Variants in GRM7 observed in about 807,000 individuals in gnomAD.
GRM7 encodes metabotropic glutamate receptor 7.
Under a neutral mutation model 84.5 loss-of-function variants are expected in GRM7, and 35 were observed. The ratio of observed to expected loss-of-function variants is 0.41; its 90% CI spans 0.32 to 0.55. The LOEUF (loss-of-function observed/expected upper bound fraction) is 0.55. GRM7 is among the 20% of genes least tolerant of loss of function. GRM7 has a pLI of 0.19. For synonymous variants in GRM7, 487 were observed against 455.1 expected (o/e 1.07, Z -0.89); for missense variants, 1,003 against 1,194.6 (o/e 0.84, Z 2.36).
intron 7 of GRM7, among the ~76,000 whole-genome samples, chr3:7,481,844 C>T (rs1699142279): frequency 6.6e-6 from 1 of 152,198 alleles, no homozygotes. Context: ...CTGCAGAAAG[C>T]ATAGAAGGTG....
At chr3:7,723,197 A>G (rs913485506) in intron 9 of GRM7, among the ~76,000 whole-genome samples, 15 of 152,156 alleles carry the variant, frequency 9.9e-5, no homozygotes, top group Non-Finnish European at 2.1e-4. Context: ...TAATCATAAT[A>G]CCATTATCAT....
At chr3:7,626,629 T>G (rs1697626661) in intron 8 of GRM7, among the ~76,000 whole-genome samples, 1 of 152,176 alleles carries the variant, frequency 6.6e-6, no homozygotes, top group Non-Finnish European at 1.5e-5. Flanking sequence ...CTCTAACATC[T>G]GCCATCGCAT....
chr3:7,223,563 CT>C (rs1696880889), intron 2 of GRM7, among the ~76,000 whole-genome samples: 1 of 151,708 alleles, frequency 6.6e-6, no homozygotes, highest in Non-Finnish European at 1.5e-5. Context: ...ATTATATGTT[CT>C]CATCTTTCCT....
chr3:7,066,763 T>C (rs1214639525), intron 1 of GRM7, among the ~76,000 whole-genome samples: 2 of 151,800 alleles, frequency 1.3e-5, no homozygotes, highest in Non-Finnish European at 2.9e-5. Context: ...GCACAGATGC[T>C]AAAATCCTTA....
intron 1 of GRM7, among the ~76,000 whole-genome samples, chr3:6,990,843 A>G (rs1694608057): frequency 6.6e-6 from 1 of 152,010 alleles, no homozygotes; most frequent in Non-Finnish European, 1.5e-5. Flanking sequence ...TCTTCATTAA[A>G]TCTCTTTGAG....
At chr3:6,994,178 G>GGT (rs1288839108) in intron 1 of GRM7, among the ~76,000 whole-genome samples, 1 of 152,100 alleles carries the variant, frequency 6.6e-6, no homozygotes, top group Admixed American at 6.5e-5. Context: ...GCATTTTCAA[G>GGT]GTAAAATATT....
chr3:6,964,668 G>T (rs565501136), intron 1 of GRM7, among the ~76,000 whole-genome samples: 1 of 152,238 alleles, frequency 6.6e-6, no homozygotes, highest in African/African-American at 2.4e-5. Flanking sequence ...AATCCTAAAA[G>T]GTTAATTTCT....
intron 2 of GRM7, among the ~76,000 whole-genome samples, chr3:7,176,750 A>G (rs1252551498): frequency 6.6e-6 from 1 of 152,138 alleles, no homozygotes; most frequent in Non-Finnish European, 1.5e-5. Context: ...CACCTTGGTT[A>G]CATTCCATTC....
chr3:7,304,755 T>C (rs1251062189), intron 3 of GRM7, among the ~76,000 whole-genome samples: 1 of 152,192 alleles, frequency 6.6e-6, no homozygotes, highest in Non-Finnish European at 1.5e-5. Context: ...TATTTTTTCG[T>C]ATCATGTTCT....
intron 4 of GRM7, among the ~76,000 whole-genome samples, chr3:7,366,949 A>G (rs1360604983): frequency 7.3e-6 from 1 of 136,450 alleles, no homozygotes; most frequent in Non-Finnish European, 1.6e-5. Context: ...TATTTAATGA[A>G]TCTTAAAATT....
At chr3:7,467,291 G>A (rs1030564873) in intron 7 of GRM7, among the ~76,000 whole-genome samples, 1 of 152,152 alleles carries the variant, frequency 6.6e-6, no homozygotes, top group Non-Finnish European at 1.5e-5. Flanking sequence ...GTTTCACTGT[G>A]TTAGCCAGGA....
At chr3:7,382,990 A>G (rs1694648699) in intron 4 of GRM7, among the ~76,000 whole-genome samples, 1 of 152,138 alleles carries the variant, frequency 6.6e-6, no homozygotes, top group Non-Finnish European at 1.5e-5. Flanking sequence ...ATTTTTTTCA[A>G]CCGTACCAAG....
intron 7 of GRM7, among the ~76,000 whole-genome samples, chr3:7,571,286 G>A (rs1217907891): frequency 2.6e-5 from 4 of 152,064 alleles, no homozygotes; most frequent in African/African-American, 9.7e-5. Context: ...TTATTGCATT[G>A]CCAGGCTGCA....
Position 7,727,355 on chromosome 3 carries a change from C to G in GRM7, c.2699-13002C>G, listed in dbSNP as rs544231082. On this transcript the variant is annotated intron_variant, in intron 9 of 9. Coordinates refer to ENST00000357716, the MANE Select transcript of GRM7 (RefSeq NM_000844.4). ...CATACTGCTTTTCAAATGCATGTTGCTTGTACTAAATCATAGATTGACTAA... is the reference window on the plus strand; with the variant it reads ...CATACTGCTTTTCAAATGCATGTTGGTTGTACTAAATCATAGATTGACTAA... Among the ~76,000 whole-genome samples, 59 of 152,090 alleles carry G rather than the reference C, an allele frequency of 3.9e-4. 1 individual carries two copies. The highest frequency in any genetic ancestry group is 7.5e-4 in the Non-Finnish European group (51 of 68,000).
chr3:7,408,441 A>G (rs910584659), intron 4 of GRM7, among the ~76,000 whole-genome samples: 1 of 152,322 alleles, frequency 6.6e-6, no homozygotes, highest in African/African-American at 2.4e-5. Flanking sequence ...TGTTTTCTCA[A>G]AAATAATGGC....
intron 2 of GRM7, among the ~76,000 whole-genome samples, chr3:7,234,122 A>G (rs140561218): frequency 5.9e-5 from 9 of 152,268 alleles, no homozygotes; most frequent in Admixed American, 3.3e-4. Flanking sequence ...AGGAATTGTA[A>G]TAGGATTTAA....
At chr3:7,255,552 A>G (rs1698163426) in intron 2 of GRM7, among the ~76,000 whole-genome samples, 1 of 152,228 alleles carries the variant, frequency 6.6e-6, no homozygotes, top group Non-Finnish European at 1.5e-5. Flanking sequence ...TGGCAACAGC[A>G]TTTATTTGCT....
chr3:7,150,398 A>G (rs1286175439), intron 2 of GRM7, among the ~76,000 whole-genome samples: 3 of 152,180 alleles, frequency 2.0e-5, no homozygotes, highest in Non-Finnish European at 4.4e-5. Context: ...GAACCAAGAC[A>G]ATGATGTCAG....
chr3:6,982,412 T>C (rs1308687345), intron 1 of GRM7, among the ~76,000 whole-genome samples: 1 of 152,144 alleles, frequency 6.6e-6, no homozygotes, highest in Admixed American at 6.5e-5. Context: ...TGATCAGTCA[T>C]AATACATGTT....
Sources: gnomAD v4.1 joint callset for allele counts (sites outside exome capture counted in the v4.1 genomes callset) on GRCh38, gnomAD v4.1.1 for gene constraint, MANE v1.5 for transcripts, NCBI Gene and HGNC (gene_info 2026-07-23, HGNC 2026-07-21) for gene names.